Variants in MUC7 observed in about 807,000 individuals in gnomAD.
MUC7 encodes mucin-7.
MUC7 carries 2 observed loss-of-function variants against 2.5 expected under a neutral mutation model. That is an observed-to-expected ratio of 0.81 (90% confidence interval 0.33 to 2.55). The LOEUF (loss-of-function observed/expected upper bound fraction) is 2.55, where lower values mean the gene tolerates loss of function less well. Ranked by LOEUF, MUC7 falls within the 30% of genes most tolerant of loss-of-function variation. The pLI is 0.11. For missense variants in MUC7, 408 were observed against 455.6 expected, an observed-to-expected ratio of 0.90 and a Z score of 0.95; for synonymous variants, 133 against 173.4, an observed-to-expected ratio of 0.77 and a Z score of 1.83.
At chr4:70,431,492 G>A (rs1733664507) in intron 1 of MUC7, among the ~76,000 whole-genome samples, 1 of 151,886 alleles carries the variant, frequency 6.6e-6, no homozygotes, top group Admixed American at 6.6e-5. Context: ...TTTTTTTTGG[G>A]GGGGTGGGAG....
chr4:70,443,007 T>A (rs562040171), intron 1 of MUC7, among the ~76,000 whole-genome samples: 1 of 152,274 alleles, frequency 6.6e-6, no homozygotes, highest in South Asian at 2.1e-4. Flanking sequence ...ATTTTCCCTG[T>A]CCAACAAGGA....
chr4:70,457,591 G>C (rs1734444786), intron 1 of MUC7, among the ~76,000 whole-genome samples: 1 of 152,108 alleles, frequency 6.6e-6, no homozygotes, highest in African/African-American at 2.4e-5. Context: ...GCAAACCTGT[G>C]AAAAGAGAAG....
chr4:70,443,046 A>G (rs1734045544), intron 1 of MUC7, among the ~76,000 whole-genome samples: 2 of 152,170 alleles, frequency 1.3e-5, no homozygotes, highest in Admixed American at 6.5e-5. Context: ...AACTCATGTG[A>G]ACTTACTTCT....
chr4:70,464,189 G>A (rs1032270701), intron 1 of MUC7, among the ~76,000 whole-genome samples: 8 of 152,170 alleles, frequency 5.3e-5, no homozygotes, highest in Non-Finnish European at 1.2e-4. Flanking sequence ...ATGAGGGACT[G>A]TGCCATGAGG....
At chr4:70,466,535 C>T (rs905200057) in intron 1 of MUC7, among the ~76,000 whole-genome samples, 1 of 151,802 alleles carries the variant, frequency 6.6e-6, no homozygotes, top group Non-Finnish European at 1.5e-5. Flanking sequence ...CAAAGACACA[C>T]ATAGGCTCAA....
intron 1 of MUC7, among the ~76,000 whole-genome samples, chr4:70,446,022 G>C (rs2109710326): frequency 6.6e-6 from 1 of 152,240 alleles, no homozygotes; most frequent in South Asian, 2.1e-4. Context: ...TCCTGGGCTG[G>C]AAGATGCCCA....
At chr4:70,448,263 T>A (rs1734192627) in intron 1 of MUC7, among the ~76,000 whole-genome samples, 1 of 152,190 alleles carries the variant, frequency 6.6e-6, no homozygotes, top group Non-Finnish European at 1.5e-5. Flanking sequence ...TGCAGATATC[T>A]CTTTGATATA....
intron 1 of MUC7, among the ~76,000 whole-genome samples, chr4:70,454,779 C>T (rs921502148): frequency 2.6e-5 from 4 of 152,134 alleles, no homozygotes; most frequent in South Asian, 2.1e-4. Flanking sequence ...AGAAACCCAA[C>T]GGGGTGAATG....
In MUC7 at chr4:70,481,678, A is replaced by C. The variant is rs757299679; in HGVS notation, c.934A>C (p.Asn312His). 1.1e-4 allele frequency: 174 copies of C among 1,613,964 alleles called. No individual in the cohort carries two copies. The highest frequency in any genetic ancestry group is 1.4e-4 in the Non-Finnish European group (160 of 1,180,000). ...CACAGCTGCCCCAATTACCACACCTAATTCTTCCCCAACTACTCTTGCACC... is the reference window on the plus strand; with the variant it reads ...CACAGCTGCCCCAATTACCACACCTCATTCTTCCCCAACTACTCTTGCACC... Reference protein sequence around the residue: ...ETTAAPITTPNSSPTTLAPDT... With the variant: ...ETTAAPITTPHSSPTTLAPDT... The change falls in exon 3 of 3, where the codon AAT becomes CAT. Residue 312 changes from asparagine to histidine, a missense_variant. Around this residue, in one of 3 missense-constraint regions of MUC7, gnomAD observed 175 missense variants for 187.1 expected, o/e 0.94. Coordinates refer to ENST00000304887, the MANE Select transcript of MUC7 (RefSeq NM_152291.3).
At chr4:70,468,954 T>C (rs1734756930), upstream of MUC7, among the ~76,000 whole-genome samples, 1 of 152,024 alleles carries the variant, frequency 6.6e-6, no homozygotes, top group Non-Finnish European at 1.5e-5. Context: ...GCCAAGACAA[T>C]CATAAGCAAA....
At chr4:70,462,813 A>C (rs1337392780) in intron 1 of MUC7, among the ~76,000 whole-genome samples, 3 of 152,092 alleles carry the variant, frequency 2.0e-5, no homozygotes, top group Admixed American at 6.6e-5. Flanking sequence ...TCTCTAAAAA[A>C]AAAAATAAAT....
At chr4:70,440,848 A>G (rs1241907448) in intron 1 of MUC7, among the ~76,000 whole-genome samples, 2 of 152,142 alleles carry the variant, frequency 1.3e-5, no homozygotes, top group African/African-American at 4.8e-5. Flanking sequence ...TTAACAGCAC[A>G]TCCCTTGTAG....
At chr4:70,460,461 T>TG (rs1734527244) in intron 1 of MUC7, among the ~76,000 whole-genome samples, 1 of 95,804 alleles carries the variant, frequency 1.0e-5, no homozygotes, top group Middle Eastern at 5.7e-3. Flanking sequence ...ATGAAAGTTA[T>TG]GAAAAATTCT....
At chr4:70,431,803 T>C (rs568245396) in intron 1 of MUC7, among the ~76,000 whole-genome samples, 8 of 152,192 alleles carry the variant, frequency 5.3e-5, no homozygotes, top group Admixed American at 3.3e-4. Flanking sequence ...AACGCGCAGG[T>C]TTCTTACATA....
chr4:70,447,633 T>C (rs921695655), intron 1 of MUC7, among the ~76,000 whole-genome samples: 8 of 152,200 alleles, frequency 5.3e-5, no homozygotes, highest in Admixed American at 1.3e-4. Flanking sequence ...TTTGTTCTTT[T>C]TTTAATTGTT....
At chr4:70,436,973 T>C (rs895187560) in intron 1 of MUC7, among the ~76,000 whole-genome samples, 4 of 152,170 alleles carry the variant, frequency 2.6e-5, no homozygotes, top group African/African-American at 7.2e-5. Context: ...TGCAGGTCTG[T>C]TGGAGTTTGC....
At chr4:70,431,658 A>C (rs1434982605) in intron 1 of MUC7, among the ~76,000 whole-genome samples, 2 of 152,184 alleles carry the variant, frequency 1.3e-5, no homozygotes, top group Non-Finnish European at 2.9e-5. Flanking sequence ...TTTCTTATTC[A>C]ACCGTAGTAA....
chr4:70,473,655 G>T (rs185970358), intron 1 of MUC7, among the ~76,000 whole-genome samples: 191 of 152,250 alleles, frequency 1.3e-3, no homozygotes, highest in African/African-American at 3.9e-3. Context: ...ACAGAGGGGA[G>T]CTTCCTGAAT....
At position 70,472,300 on chromosome 4, in the gene MUC7, A is replaced by C. The variant is rs41373746; in HGVS notation, c.-16+9A>C. ...GATTCACACTGCACCAGGTATGTGG[A>C]TACTTTAGATAGGTTCTAATATAAA... On this transcript the variant is annotated intron_variant, in intron 1 of 2. Coordinates refer to ENST00000304887, the MANE Select transcript of MUC7 (RefSeq NM_152291.3). 2.0e-4 allele frequency: 30 copies of C among 152,322 alleles called. No homozygotes were observed. Among genetic ancestry groups the C allele is most frequent in the African/African-American group, 6.7e-4 (28 of 41,572 alleles). 9.4% of individuals were successfully genotyped at this position (152,322 alleles called of 1,614,324 possible).
Sources: gnomAD v4.1 joint callset for allele counts (sites outside exome capture counted in the v4.1 genomes callset) on GRCh38, gnomAD v4.1.1 for gene constraint, gnomAD v4.1.1 regional missense constraint, MANE v1.5 for transcripts, NCBI Gene and HGNC (gene_info 2026-07-23, HGNC 2026-07-21) for gene names.